The following SLC9A9 variants were observed in gnomAD, a reference collection of about 807,000 sequenced individuals.
SLC9A9 encodes the protein sodium/hydrogen exchanger 9.
A neutral mutation model predicts 77.8 loss-of-function variants in SLC9A9; 62 were observed. The observed-to-expected ratio is 0.80, with a 90% CI of 0.65 to 0.98. The LOEUF is 0.98. SLC9A9 is among the 50% of genes least tolerant of loss of function. The probability of loss-of-function intolerance (pLI) is 0.00; values close to 1 mark genes in which losing one functional copy is unlikely to be tolerated. For missense variants in SLC9A9, 775 were observed against 774.9 expected, an observed-to-expected ratio of 1.00 and a Z score of 0.00; for synonymous variants, 320 against 283.5, an observed-to-expected ratio of 1.13 and a Z score of -1.29.
intron 2 of SLC9A9, among the ~76,000 whole-genome samples, chr3:143,808,978 A>C (rs1237984833): frequency 6.6e-6 from 1 of 152,206 alleles, no homozygotes; most frequent in African/African-American, 2.4e-5. Flanking sequence ...AACTGTGCAA[A>C]ATTTGAGGAA....
At chr3:143,353,406 G>A (rs189748141) in intron 14 of SLC9A9, among the ~76,000 whole-genome samples, 60 of 152,234 alleles carry the variant, frequency 3.9e-4, no homozygotes, top group Admixed American at 7.9e-4. Flanking sequence ...TTATCAAAGA[G>A]GCCTAAGAGA....
chr3:143,724,369 G>A (rs780342983), intron 4 of SLC9A9, among the ~76,000 whole-genome samples: 6 of 152,106 alleles, frequency 3.9e-5, no homozygotes, highest in Middle Eastern at 3.2e-3. Flanking sequence ...TTAAGCCTGC[G>A]GAACTGTGAG....
chr3:143,512,291 A>G (rs1003579888), intron 9 of SLC9A9, among the ~76,000 whole-genome samples: 1 of 152,242 alleles, frequency 6.6e-6, no homozygotes, highest in African/African-American at 2.4e-5. Context: ...AATTACACTT[A>G]CTAGAATTTA....
chr3:143,353,391 T>C (rs538985634), intron 14 of SLC9A9, among the ~76,000 whole-genome samples: 1 of 152,304 alleles, frequency 6.6e-6, no homozygotes, highest in South Asian at 2.1e-4. Context: ...ATGGGATTAG[T>C]GCCCTTATCA....
At chr3:143,331,425 G>A (rs1156725508) in intron 14 of SLC9A9, among the ~76,000 whole-genome samples, 2 of 152,164 alleles carry the variant, frequency 1.3e-5, no homozygotes, top group African/African-American at 2.4e-5. Flanking sequence ...TTATTTTTGA[G>A]TCAGTGCTAG....
chr3:143,502,642 C>T (rs1022890631), intron 9 of SLC9A9, among the ~76,000 whole-genome samples: 1 of 152,084 alleles, frequency 6.6e-6, no homozygotes, highest in Non-Finnish European at 1.5e-5. Context: ...CACATGAATT[C>T]CTCAACATAG....
chr3:143,779,301 A>G (rs939219716), intron 4 of SLC9A9, among the ~76,000 whole-genome samples: 2 of 152,220 alleles, frequency 1.3e-5, no homozygotes, highest in Non-Finnish European at 2.9e-5. Context: ...ATTCTTTTCC[A>G]TTTGACAAAC....
chr3:143,447,761 CA>C (rs1468702840), intron 12 of SLC9A9, among the ~76,000 whole-genome samples: 1 of 152,164 alleles, frequency 6.6e-6, no homozygotes, highest in Non-Finnish European at 1.5e-5. Flanking sequence ...ATGGCAGAAA[CA>C]TACTTTGTTC....
chr3:143,456,646 C>A (rs1021871090), intron 12 of SLC9A9, among the ~76,000 whole-genome samples: 3 of 151,656 alleles, frequency 2.0e-5, no homozygotes, highest in African/African-American at 4.8e-5. Context: ...CTCACTGCAA[C>A]CTCTGCCTCC....
chr3:143,482,462 T>G (rs1576527027), intron 11 of SLC9A9, among the ~76,000 whole-genome samples: 1 of 152,330 alleles, frequency 6.6e-6, no homozygotes, highest in East Asian at 1.9e-4. Context: ...TTCTCAAAAG[T>G]GCAGCAGAAG....
At chr3:143,288,313 T>C (rs1428242943) in intron 14 of SLC9A9, among the ~76,000 whole-genome samples, 1 of 151,806 alleles carries the variant, frequency 6.6e-6, no homozygotes, top group Admixed American at 6.6e-5. Context: ...AAAATCCAAA[T>C]GCCCATAGGT....
intron 9 of SLC9A9, among the ~76,000 whole-genome samples, chr3:143,532,517 G>A (rs79423131): frequency 0.019 from 2,837 of 152,218 alleles, 71 homozygotes; most frequent in African/African-American, 0.065. Flanking sequence ...CTCTAATACA[G>A]CAGTTACTTC....
chr3:143,342,802 T>G (rs2032146543), intron 14 of SLC9A9, among the ~76,000 whole-genome samples: 1 of 152,348 alleles, frequency 6.6e-6, no homozygotes, highest in Non-Finnish European at 1.5e-5. Context: ...GTATGGTGTA[T>G]CTGGTGCATG....
intron 14 of SLC9A9, among the ~76,000 whole-genome samples, chr3:143,284,863 G>A (rs959639687): frequency 7.9e-5 from 12 of 152,196 alleles, no homozygotes; most frequent in Non-Finnish European, 1.6e-4. Flanking sequence ...GTCGTTTATG[G>A]GTAATCTTCC....
intron 1 of SLC9A9, among the ~76,000 whole-genome samples, chr3:143,845,409 C>T (rs898079662): frequency 2.0e-5 from 3 of 152,174 alleles, no homozygotes; most frequent in Non-Finnish European, 4.4e-5. Context: ...TATTACATTA[C>T]TGATAGAAAG....
chr3:143,501,873 A>C (rs1483932107), intron 9 of SLC9A9, among the ~76,000 whole-genome samples: 1 of 150,858 alleles, frequency 6.6e-6, no homozygotes, highest in South Asian at 2.1e-4. Context: ...CAAAGGGAGA[A>C]TCTATACAGC....
chr3:143,533,303 T>C (rs2036544303), intron 9 of SLC9A9, among the ~76,000 whole-genome samples: 1 of 152,158 alleles, frequency 6.6e-6, no homozygotes, highest in African/African-American at 2.4e-5. Context: ...AGAACCCAGG[T>C]CTTCCACATC....
chr3:143,518,368 T>C, intron 9 of SLC9A9: 2 of 613,344 alleles, frequency 3.3e-6, no homozygotes, highest in South Asian at 4.0e-5. Flanking sequence ...ATCTATTGAG[T>C]AGATATTATG....
intron 5 of SLC9A9, among the ~76,000 whole-genome samples, chr3:143,679,126 AAAACAAAC>A (rs535631632): frequency 1.3e-5 from 2 of 151,994 alleles, no homozygotes; most frequent in African/African-American, 2.4e-5. Flanking sequence ...GCAAATTAGG[AAAACAAAC>A]AAACAAACAA....
Sources: gnomAD v4.1 joint callset for allele counts (sites outside exome capture counted in the v4.1 genomes callset) on GRCh38, gnomAD v4.1.1 for gene constraint, MANE v1.5 for transcripts, NCBI Gene and HGNC (gene_info 2026-07-23, HGNC 2026-07-21) for gene names.